SNX1: variants seen among roughly 807,000 people sequenced by gnomAD.
SNX1 encodes the protein sorting nexin-1.
A neutral mutation model predicts 71.8 loss-of-function variants in SNX1; 36 were observed. The ratio of observed to expected loss-of-function variants is 0.50; its 90% CI spans 0.38 to 0.66. The LOEUF is 0.66. Among genes scored for constraint, SNX1 ranks in the 30% least tolerant of loss-of-function variants. The pLI is 0.00. For synonymous variants in SNX1, 254 were observed against 240.7 expected (o/e 1.06, Z -0.51); for missense variants, 612 against 646.7 (o/e 0.95, Z 0.58).
Position 64,134,639 on chromosome 15 carries a change from C to T in SNX1, c.1222-25C>T, listed in dbSNP as rs779243631. The T allele has an allele frequency of 6.3e-7, 1 of 1,596,504 alleles. No individual in the cohort carries two copies. The highest frequency in any genetic ancestry group is 1.1e-5 in the South Asian group (1 of 88,498). On this transcript the variant is annotated intron_variant, in intron 11 of 14. Coordinates refer to ENST00000559844, the MANE Select transcript of SNX1 (RefSeq NM_003099.5). The surrounding 1 kb of genome is among the most constrained non-coding windows in gnomAD (Gnocchi z 4.1). ...CAGAGCTCTTGAAGAGCTGGTTGTGCTCCTCCTCAACCCCACCCCCACAGG... is the reference window on the plus strand; with the variant it reads ...CAGAGCTCTTGAAGAGCTGGTTGTGTTCCTCCTCAACCCCACCCCCACAGG...
rs920690020 is a variant in SNX1 at position 64,137,737 on chromosome 15, C to T, written c.*119C>T. The T allele has an allele frequency of 1.3e-6, 2 of 1,534,664 alleles. No homozygotes were observed. The highest frequency in any genetic ancestry group is 2.4e-5 in the East Asian group (1 of 42,478). Reference sequence around the variant, plus strand: ...TAGGCTGGACTTAACCCCTTCCTCCCTGTCCCCACGACCAACTGTCCCCAG... The same window carrying T: ...TAGGCTGGACTTAACCCCTTCCTCCTTGTCCCCACGACCAACTGTCCCCAG... On this transcript the variant is annotated 3_prime_UTR_variant, in exon 15 of 15. Coordinates refer to ENST00000559844, the MANE Select transcript of SNX1 (RefSeq NM_003099.5).
At position 64,129,247 on chromosome 15, in the gene SNX1, C is replaced by CAA. The variant is rs74266544; in HGVS notation, c.808-656_808-655dup. Among the ~76,000 whole-genome samples the CAA allele has an allele frequency of 1.5e-4, 19 of 123,106 alleles. No individual in the cohort carries two copies. The highest frequency in any genetic ancestry group is 4.8e-4 in the African/African-American group (16 of 33,586). The allele number at this position is 123,106 out of a possible 152,430, so 80.8% of individuals were successfully genotyped here. ...GGGCGACAAGAGCAAGACTCCGTCT[C>CAA]AAAAAAAAAAAAAAGAACTACTGCC... On this transcript the variant is annotated intron_variant, in intron 8 of 14. Coordinates refer to ENST00000559844, the MANE Select transcript of SNX1 (RefSeq NM_003099.5). The surrounding 1 kb of genome is among the most constrained non-coding windows in gnomAD (Gnocchi z 4.4).
chr15:64,133,281 A>G (rs1380869907), intron 11 of SNX1, among the ~76,000 whole-genome samples: 1 of 152,246 alleles, frequency 6.6e-6, no homozygotes, highest in African/African-American at 2.4e-5. Context: ...ACTAACTCAG[A>G]TAAGAGGTTG....
At chr15:64,111,888 C>G (rs948567153) in intron 1 of SNX1, among the ~76,000 whole-genome samples, 2 of 152,182 alleles carry the variant, frequency 1.3e-5, no homozygotes, top group South Asian at 2.1e-4. Context: ...GGACCCACCC[C>G]ACCCTTGTTT....
chr15:64,127,176 A>T lies in SNX1; in HGVS notation c.655A>T (p.Met219Leu). ...TTGCTTTTTAAATTCCATTCTAGGGATGACAAAAGTGAAAGTTGGGAAGGA... is the reference window on the plus strand; with the variant it reads ...TTGCTTTTTAAATTCCATTCTAGGGTTGACAAAAGTGAAAGTTGGGAAGGA... ...PPPPEKSLIG[M>L]TKVKVGKEDS... The change falls in exon 7 of 15, where the codon ATG (methionine) becomes TTG (leucine). Residue 219 changes from methionine to leucine, a missense_variant and splice_region_variant. Met to Leu is a conservative substitution (Grantham distance 15, BLOSUM62 2). This residue lies in a region of SNX1 where 316 missense variants were observed against 284.9 expected (regional missense o/e 1.11). Transcript: ENST00000559844. The T allele has an allele frequency of 6.2e-7, 1 of 1,610,334 alleles. No homozygotes were observed. The highest frequency in any genetic ancestry group is 8.5e-7 in the Non-Finnish European group (1 of 1,177,416).
At chr15:64,099,822 C>T (rs1407202937) in intron 1 of SNX1, among the ~76,000 whole-genome samples, 1 of 152,198 alleles carries the variant, frequency 6.6e-6, no homozygotes, top group East Asian at 1.9e-4. Flanking sequence ...AGCGATTCTC[C>T]TGCCTCAACC....
At position 64,137,793 on chromosome 15, in the gene SNX1, A is replaced by T; in HGVS notation, c.*175A>T. 1 of 1,433,806 alleles carries T rather than the reference A, an allele frequency of 7.0e-7. No individual in the cohort carries two copies. The highest frequency in any genetic ancestry group is 9.1e-7 in the Non-Finnish European group (1 of 1,093,586). 88.8% of individuals were successfully genotyped at this position (1,433,806 alleles called of 1,614,324 possible). On this transcript the variant is annotated 3_prime_UTR_variant, in exon 15 of 15. Coordinates refer to ENST00000559844, the MANE Select transcript of SNX1 (RefSeq NM_003099.5). ...CTAACCGTTATTTCATTTAGCTTCC[A>T]TATATATTTTCTTACCTAAGAGAAT...
chr15:64,122,484 A>G (rs1005317955), intron 4 of SNX1, among the ~76,000 whole-genome samples: 2 of 151,994 alleles, frequency 1.3e-5, no homozygotes, highest in African/African-American at 2.4e-5. Flanking sequence ...TTCTTGGTAA[A>G]TTTTTCAAAA....
intron 1 of SNX1, among the ~76,000 whole-genome samples, chr15:64,109,655 C>T (rs2081058768): frequency 6.6e-6 from 1 of 151,938 alleles, no homozygotes. Flanking sequence ...TTACAGGTAC[C>T]CACCAACACA....
chr15:64,104,678 A>G (rs1011341038), intron 1 of SNX1, among the ~76,000 whole-genome samples: 4 of 151,422 alleles, frequency 2.6e-5, no homozygotes, highest in Non-Finnish European at 4.4e-5. Context: ...TGAGGTTGGG[A>G]GTTCAAGACC....
intron 1 of SNX1, among the ~76,000 whole-genome samples, chr15:64,109,572 C>T (rs1054194776): frequency 2.6e-5 from 4 of 151,910 alleles, no homozygotes; most frequent in East Asian, 1.9e-4. Flanking sequence ...TGCAGTGGCT[C>T]GATAGCTCAC....
chr15:64,106,031 A>C (rs1387467143), intron 1 of SNX1, among the ~76,000 whole-genome samples: 1 of 152,226 alleles, frequency 6.6e-6, no homozygotes, highest in African/African-American at 2.4e-5. Context: ...ATTCAGTTTT[A>C]ATAAATTAAA....
chr15:64,111,487 G>A (rs546476504), intron 1 of SNX1: 27 of 152,324 alleles, frequency 1.8e-4, no homozygotes, highest in African/African-American at 6.3e-4. Context: ...GTAGTGAGAA[G>A]TGGGGAAATA....
In SNX1 at chr15:64,136,350, A is replaced by T. The variant is rs188673935; in HGVS notation, c.1386A>T (p.Gln462His). ...EILEWESRVT[Q>H]YERDFERIST... ...CCCAGTGGGAGTCTCGGGTGACTCA[A>T]TATGAAAGGGACTTCGAGAGGATTT... The change falls in exon 13 of 15, where the codon CAA (glutamine) becomes CAT (histidine). Residue 462 changes from glutamine to histidine, a missense_variant. Transcript: ENST00000559844. 1.2e-6 allele frequency: 2 copies of T among 1,614,050 alleles called. No individual in the cohort carries two copies. Among genetic ancestry groups the T allele is most frequent in the Non-Finnish European group, 1.7e-6 (2 of 1,179,906 alleles).
intron 3 of SNX1, among the ~76,000 whole-genome samples, 179 bp downstream of exon 3, chr15:64,118,423 GC>G (rs2081155715): frequency 6.6e-6 from 1 of 152,194 alleles, no homozygotes; most frequent in Admixed American, 6.5e-5. Flanking sequence ...AGTATCTATT[GC>G]CCAGAGAGCA....
At chr15:64,098,827 T>C (rs2080929006) in intron 1 of SNX1, among the ~76,000 whole-genome samples, 2 of 152,138 alleles carry the variant, frequency 1.3e-5, no homozygotes, top group South Asian at 4.1e-4. Flanking sequence ...AATTTCCAGC[T>C]AAAAGAGAGT....
intron 5 of SNX1, among the ~76,000 whole-genome samples, chr15:64,125,189 G>A (rs772682704): frequency 4.0e-4 from 61 of 152,126 alleles, no homozygotes; most frequent in Non-Finnish European, 7.2e-4. Flanking sequence ...GAGGCTTGGC[G>A]CAGTGGCTCA....
chr15:64,141,893 G>C lies in SNX1; in HGVS notation c.*4275G>C, dbSNP rs911792990. On this transcript the variant is annotated 3_prime_UTR_variant, in exon 15 of 15. Coordinates refer to ENST00000559844, the MANE Select transcript of SNX1 (RefSeq NM_003099.5). The surrounding 1 kb of genome is among the most constrained non-coding windows in gnomAD (Gnocchi z 5.1). Reference sequence around the variant, plus strand: ...CGGTCCTTGATTTGATGAGAGGCTTGAGGGGAGAGGGAGGTAGCTAGGATG... The same window carrying C: ...CGGTCCTTGATTTGATGAGAGGCTTCAGGGGAGAGGGAGGTAGCTAGGATG... 3 of 152,306 alleles carry C rather than the reference G, an allele frequency of 2.0e-5. No individual in the cohort carries two copies. Among genetic ancestry groups the C allele is most frequent in the African/African-American group, 7.2e-5 (3 of 41,450 alleles). 9.4% of individuals were successfully genotyped at this position (152,306 alleles called of 1,614,324 possible).
chr15:64,104,257 G>C (rs1428219909), intron 1 of SNX1, among the ~76,000 whole-genome samples: 4 of 141,656 alleles, frequency 2.8e-5, no homozygotes, highest in African/African-American at 7.7e-5. Context: ...TAGAACACCA[G>C]TTTTGGAGTA....
Sources: gnomAD v4.1 joint callset for allele counts (sites outside exome capture counted in the v4.1 genomes callset) on GRCh38, gnomAD v4.1.1 for gene constraint, gnomAD v4.1.1 regional missense constraint, Gnocchi (gnomAD v3.1) non-coding constraint, MANE v1.5 for transcripts, NCBI Gene and HGNC (gene_info 2026-07-23, HGNC 2026-07-21) for gene names.